The following CELF2 variants were observed in gnomAD, a reference collection of about 807,000 sequenced individuals.
CELF2 encodes the protein CUG triplet repeat RNA-binding protein 2.
A neutral mutation model predicts 62.6 loss-of-function variants in CELF2; 8 were observed. That is an observed-to-expected ratio of 0.13 (90% CI 0.07 to 0.23). The LOEUF (loss-of-function observed/expected upper bound fraction) is 0.23. Ranked by LOEUF, CELF2 falls within the 10% of genes least tolerant of loss-of-function variation. The pLI is 1.00. For missense variants in CELF2, 333 were observed against 671.0 expected, an observed-to-expected ratio of 0.50 and a Z score of 5.56; for synonymous variants, 258 against 250.0, an observed-to-expected ratio of 1.03 and a Z score of -0.30.
intron 1 of CELF2, among the ~76,000 whole-genome samples, chr10:10,863,413 A>T (rs956287583): frequency 6.6e-6 from 1 of 152,140 alleles, no homozygotes; most frequent in Non-Finnish European, 1.5e-5. Flanking sequence ...TGTCAAAAAC[A>T]TTGACATTTC....
intron 8 of CELF2, among the ~76,000 whole-genome samples, chr10:11,275,901 G>T (rs149103240): frequency 2.0e-5 from 3 of 152,118 alleles, no homozygotes; most frequent in African/African-American, 4.8e-5. Context: ...TTAACCTGCC[G>T]TGAGGAACGG....
rs1187265202 is a variant in CELF2 at position 11,318,579 on chromosome 10, A to C, written c.1097-2610A>C. On this transcript the variant is annotated intron_variant, in intron 10 of 12. Coordinates refer to ENST00000633077, the MANE Select transcript of CELF2 (RefSeq NM_001326342.2). This position sits in a 1 kb window ranked among gnomAD's most constrained non-coding sequence, Gnocchi z 5.4. ...CTCTGTGAAGTGGAGCCAGGAGAGA[A>C]GGATGTGGCTGGAATGTCACTGGCT... The C allele has an allele frequency of 5.4e-6, 2 of 370,872 alleles. No homozygotes were observed. The highest frequency in any genetic ancestry group is 1.1e-5 in the Non-Finnish European group (2 of 183,952). The allele number at this position is 370,872 out of a possible 1,614,324, so 23.0% of individuals were successfully genotyped here. A position where few individuals can be genotyped will look rare whatever the true frequency, so the allele number is the denominator to read the frequency against.
chr10:11,254,418 A>G (rs2078072284), intron 4 of CELF2, among the ~76,000 whole-genome samples: 1 of 152,008 alleles, frequency 6.6e-6, no homozygotes, highest in South Asian at 2.1e-4. Flanking sequence ...GGAGGTTTCC[A>G]TTTTTTTTCT....
chr10:10,483,876 T>TTC, the CELF2 span, among the ~76,000 whole-genome samples: 13 of 150,238 alleles, frequency 8.7e-5, no homozygotes, highest in Non-Finnish European at 1.5e-4. Context: ...CCTTCCCTCC[T>TTC]TCTCTCTCTC....
the CELF2 span, among the ~76,000 whole-genome samples, chr10:10,597,406 A>T: frequency 6.6e-6 from 1 of 152,208 alleles, no homozygotes; most frequent in Non-Finnish European, 1.5e-5. Context: ...TCAGACAGTA[A>T]ATTCAAGCAG....
At chr10:10,886,938 G>C (rs9424108) in intron 1 of CELF2, among the ~76,000 whole-genome samples, 22,845 of 152,226 alleles carry the variant, frequency 0.15, 2,182 homozygotes, top group Non-Finnish European at 0.22. Flanking sequence ...TGCATTTCTA[G>C]ATGAGCTGAG....
At chr10:10,744,693 T>A in the CELF2 span, among the ~76,000 whole-genome samples, 17 of 152,134 alleles carry the variant, frequency 1.1e-4, no homozygotes, top group Non-Finnish European at 7.3e-5. Context: ...TTTTTTTTTT[T>A]AGCAAGCATC....
At chr10:10,673,605 A>T in the CELF2 span, among the ~76,000 whole-genome samples, 1 of 151,892 alleles carries the variant, frequency 6.6e-6, no homozygotes, top group African/African-American at 2.4e-5. Flanking sequence ...TTCTTTTCTT[A>T]GTTTCTTACA....
At chr10:11,057,769 G>A (rs891147621) in intron 1 of CELF2, among the ~76,000 whole-genome samples, 3 of 152,156 alleles carry the variant, frequency 2.0e-5, no homozygotes, top group Non-Finnish European at 4.4e-5. Context: ...TTGGTTAACA[G>A]CCTGTTTCTC....
At chr10:10,529,703 A>T in the CELF2 span, among the ~76,000 whole-genome samples, 5 of 151,690 alleles carry the variant, frequency 3.3e-5, no homozygotes, top group Non-Finnish European at 7.4e-5. Flanking sequence ...AAAAAAAAAA[A>T]AAAAAAAATG....
intron 2 of CELF2, among the ~76,000 whole-genome samples, chr10:11,195,673 A>G (rs567707394): frequency 6.6e-6 from 1 of 152,340 alleles, no homozygotes; most frequent in East Asian, 1.9e-4. Context: ...TGACGTCACA[A>G]ACCGTACGCT....
intron 8 of CELF2, among the ~76,000 whole-genome samples, chr10:11,284,986 A>AGATG (rs56131179): frequency 0.98 from 147,565 of 150,348 alleles, 72,480 homozygotes; most frequent in Non-Finnish European, 1. Flanking sequence ...TGTGGATGAG[A>AGATG]GATGGATGTG....
chr10:10,711,050 C>T, the CELF2 span, among the ~76,000 whole-genome samples: 1 of 152,124 alleles, frequency 6.6e-6, no homozygotes, highest in African/African-American at 2.4e-5. Context: ...GTTTGCGGGG[C>T]TGTCCTGGGT....
the CELF2 span, among the ~76,000 whole-genome samples, chr10:10,565,585 G>A: frequency 2.0e-5 from 3 of 152,314 alleles, no homozygotes; most frequent in Non-Finnish European, 2.9e-5. Context: ...GGGTCCAAAG[G>A]CCACCATGAG....
intron 1 of CELF2, among the ~76,000 whole-genome samples, chr10:11,028,907 T>A (rs1000419411): frequency 6.6e-6 from 1 of 152,020 alleles, no homozygotes; most frequent in Non-Finnish European, 1.5e-5. Context: ...AGAGATGGGG[T>A]TTCACCATAT....
At chr10:10,821,109 G>A (rs141431710) in intron 1 of CELF2, among the ~76,000 whole-genome samples, 24 of 152,322 alleles carry the variant, frequency 1.6e-4, no homozygotes, top group East Asian at 1.9e-4. Context: ...GCAAGCTGCC[G>A]AGGTTTCTGG....
the CELF2 span, among the ~76,000 whole-genome samples, chr10:10,558,922 T>G: frequency 1.3e-5 from 2 of 152,284 alleles, no homozygotes; most frequent in South Asian, 4.1e-4. Context: ...TGTGCTAAAA[T>G]TATAAAATGT....
intron 1 of CELF2, among the ~76,000 whole-genome samples, chr10:11,143,107 C>T (rs1002501647): frequency 2.0e-5 from 3 of 152,182 alleles, no homozygotes; most frequent in Admixed American, 1.3e-4. Flanking sequence ...GAATCTCGCT[C>T]CCCTCGTGCT....
At chr10:11,107,197 G>A (rs2053737559) in intron 1 of CELF2, among the ~76,000 whole-genome samples, 1 of 152,332 alleles carries the variant, frequency 6.6e-6, no homozygotes, top group South Asian at 2.1e-4. Context: ...CAACTCAGGT[G>A]TCCCTGAGGC....
Sources: gnomAD v4.1 joint callset for allele counts (sites outside exome capture counted in the v4.1 genomes callset) on GRCh38, gnomAD v4.1.1 for gene constraint, Gnocchi (gnomAD v3.1) non-coding constraint, MANE v1.5 for transcripts, NCBI Gene and HGNC (gene_info 2026-07-23, HGNC 2026-07-21) for gene names.